Variants in ACVR2B observed in about 807,000 individuals in gnomAD.
ACVR2B encodes activin A receptor type 2B.
ACVR2B carries 18 observed loss-of-function variants against 65.1 expected under a neutral mutation model. The ratio of observed to expected loss-of-function variants is 0.28; its 90% CI spans 0.19 to 0.41. The LOEUF is 0.41. Among genes scored for constraint, ACVR2B ranks in the 10% least tolerant of loss-of-function variants. The pLI, the probability that ACVR2B is intolerant of heterozygous loss-of-function variation, is 1.00. For missense variants in ACVR2B, 482 were observed against 682.7 expected (o/e 0.71, Z 3.28); for synonymous variants, 298 against 277.7 (o/e 1.07, Z -0.73).
chr3:38,480,608 G>A (rs866049413), intron 7 of ACVR2B, among the ~76,000 whole-genome samples: 6 of 152,296 alleles, frequency 3.9e-5, no homozygotes, highest in South Asian at 4.1e-4. Flanking sequence ...AAATTCCAGC[G>A]TTCAAAGCTG....
In ACVR2B at chr3:38,489,395, A is replaced by G. The variant is rs1290999061; in HGVS notation, c.*6063A>G. On this transcript the variant is annotated 3_prime_UTR_variant, in exon 11 of 11. Transcript: ENST00000352511. ...CAGAGCTAATGAGCTTTACCTTTCA[A>G]GAGAAACGTACACTGGAGCATGAGT... 6.6e-6 allele frequency: 1 copy of G among 152,654 alleles called. No homozygotes were observed. The highest frequency in any genetic ancestry group is 2.4e-5 in the African/African-American group (1 of 41,456). The allele number at this position is 152,654 out of a possible 1,614,324, so 9.5% of individuals were successfully genotyped here.
chr3:38,465,205 T>C (rs980564408), intron 1 of ACVR2B, among the ~76,000 whole-genome samples: 1 of 151,940 alleles, frequency 6.6e-6, no homozygotes, highest in Non-Finnish European at 1.5e-5. Context: ...AAGACCAACC[T>C]GGCCAACATG....
intron 6 of ACVR2B, 114 bp downstream of exon 6, chr3:38,479,385 C>T (rs894650369): frequency 1.1e-5 from 16 of 1,483,004 alleles, no homozygotes; most frequent in Non-Finnish European, 1.2e-5. Context: ...AGTACTCTGC[C>T]CCGGTAGCAC....
chr3:38,480,650 A>G (rs966919256), intron 7 of ACVR2B, among the ~76,000 whole-genome samples: 4 of 152,256 alleles, frequency 2.6e-5, no homozygotes, highest in African/African-American at 4.8e-5. Context: ...CAGTAATGAC[A>G]TAGAAGGTAG....
intron 1 of ACVR2B, among the ~76,000 whole-genome samples, chr3:38,466,750 C>T (rs1021139389): frequency 3.9e-5 from 6 of 152,062 alleles, no homozygotes; most frequent in African/African-American, 1.2e-4. Context: ...TGATCCACCT[C>T]CCTCAGCCTC....
At position 38,487,360 on chromosome 3, in the gene ACVR2B, A is replaced by G. The variant is rs773653476; in HGVS notation, c.*4028A>G. 1 of 152,232 alleles carries G rather than the reference A, an allele frequency of 6.6e-6. No individual in the cohort carries two copies. The allele number at this position is 152,232 out of a possible 1,614,324, so 9.4% of individuals were successfully genotyped here. On this transcript the variant is annotated 3_prime_UTR_variant, in exon 11 of 11. Transcript: ENST00000352511. ...TCCAGGCCACAGAGATAGTTCTTCC[A>G]TTGCCCTAAGAGGCTAGGCTAACCC...
chr3:38,479,976 C>A, intron 7 of ACVR2B, 150 bp downstream of exon 7: 2 of 1,115,354 alleles, frequency 1.8e-6, no homozygotes, highest in South Asian at 1.4e-5. Flanking sequence ...CAAAACCTGG[C>A]CTTCCCACTG....
chr3:38,454,252 C>A lies in ACVR2B; in HGVS notation c.-71C>A. The A allele has an allele frequency of 8.8e-7, 1 of 1,139,254 alleles. No homozygotes were observed. Among genetic ancestry groups the A allele is most frequent in the Non-Finnish European group, 1.1e-6 (1 of 917,920 alleles). The allele number at this position is 1,139,254 out of a possible 1,614,324, so 70.6% of individuals were successfully genotyped here. On this transcript the variant is annotated 5_prime_UTR_variant, in exon 1 of 11. It adds an upstream start codon to the 5' untranslated region. Transcript: ENST00000352511. ...AGGAGAGCGCAGCCGCCGCCTGGCC[C>A]TGCGCGCCCCGGGAGCGCCGTGCGG... is the stretch of plus-strand genomic sequence containing the variant.
chr3:38,454,319 G>C lies in ACVR2B; in HGVS notation c.-4G>C. On this transcript the variant is annotated 5_prime_UTR_variant, in exon 1 of 11. Transcript: ENST00000352511. ...CGGGTGTGCGCGGGGCGGCGCCGCG[G>C]AACATGACGGCGCCCTGGGTGGCCC... 1.5e-6 allele frequency: 2 copies of C among 1,294,860 alleles called. No homozygotes were observed. The highest frequency in any genetic ancestry group is 2.0e-6 in the Non-Finnish European group (2 of 1,021,260). 80.2% of individuals were successfully genotyped at this position (1,294,860 alleles called of 1,614,324 possible).
intron 1 of ACVR2B, among the ~76,000 whole-genome samples, chr3:38,469,082 C>T (rs948112468): frequency 2.0e-5 from 3 of 152,280 alleles, no homozygotes; most frequent in African/African-American, 7.2e-5. Flanking sequence ...GCAGATGGAG[C>T]TCCTCCTGTC....
chr3:38,467,860 TAATA>T (rs1709758670), intron 1 of ACVR2B, among the ~76,000 whole-genome samples: 1 of 152,292 alleles, frequency 6.6e-6, no homozygotes, highest in Admixed American at 6.5e-5. Context: ...CTAATATTTC[TAATA>T]AATATATGAT....
rs996651128 is a variant in ACVR2B, at chr3:38,491,759, T to G, written c.*8427T>G. 8 of 152,230 alleles carry G rather than the reference T, an allele frequency of 5.3e-5. No homozygotes were observed. The highest frequency in any genetic ancestry group is 8.8e-5 in the Non-Finnish European group (6 of 68,032). 9.4% of individuals were successfully genotyped at this position (152,230 alleles called of 1,614,324 possible). ...GGAATTGTTAAAATGCCAGCGGCTT[T>G]TTTTTCCTCTTTTTTTCTGTAATTC... On this transcript the variant is annotated 3_prime_UTR_variant, in exon 11 of 11. Transcript: ENST00000352511.
rs1320850865 is a variant in ACVR2B, at chr3:38,490,265, GC to G, written c.*6936del. The G allele has an allele frequency of 2.6e-5, 4 of 152,350 alleles. No homozygotes were observed. Among genetic ancestry groups the G allele is most frequent in the Admixed American group, 6.5e-5 (1 of 15,288 alleles). 9.4% of individuals were successfully genotyped at this position (152,350 alleles called of 1,614,324 possible). A position where few individuals can be genotyped will look rare whatever the true frequency, so the allele number is the denominator to read the frequency against. On this transcript the variant is annotated 3_prime_UTR_variant, in exon 11 of 11. Coordinates refer to ENST00000352511, the MANE Select transcript of ACVR2B (RefSeq NM_001106.4). Reference sequence around the variant, plus strand: ...GCTGAAGACCTGTCCCCCAGACCCTGCCCGCTGGCTTCAGGCTGCTGCTTCT... The same window carrying G: ...GCTGAAGACCTGTCCCCCAGACCCTGCCGCTGGCTTCAGGCTGCTGCTTCT...
chr3:38,474,021 A>G (rs1375581123), intron 1 of ACVR2B: 1 of 152,332 alleles, frequency 6.6e-6, no homozygotes, highest in Admixed American at 6.5e-5. Flanking sequence ...AGCTGGGATT[A>G]CAGGTGTCCG....
At position 38,486,570 on chromosome 3, in the gene ACVR2B, C is replaced by G. The variant is rs374214077; in HGVS notation, c.*3238C>G. 1 of 152,152 alleles carries G rather than the reference C, an allele frequency of 6.6e-6. No homozygotes were observed. The highest frequency in any genetic ancestry group is 1.5e-5 in the Non-Finnish European group (1 of 68,056). 9.4% of individuals were successfully genotyped at this position (152,152 alleles called of 1,614,324 possible). A position where few individuals can be genotyped will look rare whatever the true frequency, so the allele number is the denominator to read the frequency against. On this transcript the variant is annotated 3_prime_UTR_variant, in exon 11 of 11. Coordinates refer to ENST00000352511, the MANE Select transcript of ACVR2B (RefSeq NM_001106.4). Reference sequence around the variant, plus strand: ...TTTGGTGGGCTCAGATAATTGGTTTCTTTTTGTTTTTGACCTCAGGCTCTG... The same window carrying G: ...TTTGGTGGGCTCAGATAATTGGTTTGTTTTTGTTTTTGACCTCAGGCTCTG...
At position 38,481,403 on chromosome 3, in the gene ACVR2B, G is replaced by T; in HGVS notation, c.1012G>T (p.Ala338Ser). 1 of 1,614,224 alleles carries T rather than the reference G, an allele frequency of 6.2e-7. No homozygotes were observed. The highest frequency in any genetic ancestry group is 8.5e-7 in the Non-Finnish European group (1 of 1,180,036). Residue 338 changes from alanine (A) to serine (S), a missense_variant, in exon 8 of 11, where the codon GCT becomes TCT. Physicochemically the swap from Ala to Ser is moderately conservative, Grantham distance 99 (BLOSUM62 1). Around this residue, in one of 5 missense-constraint regions of ACVR2B, gnomAD observed 223 missense variants for 386.3 expected, o/e 0.58. Transcript: ENST00000352511. This position sits in a 1 kb window ranked among gnomAD's most constrained non-coding sequence, Gnocchi z 4.7. ...LLKSDLTAVL[A>S]DFGLAVRFEP... ...GAAGAGCGACCTCACAGCCGTGCTG[G>T]CTGACTTTGGCTTGGCTGTTCGATT...
At position 38,487,325 on chromosome 3, in the gene ACVR2B, GTC is replaced by G. The variant is rs1710140686; in HGVS notation, c.*3998_*3999del. 6.6e-6 allele frequency: 1 copy of G among 152,200 alleles called. No individual in the cohort carries two copies. Among genetic ancestry groups the G allele is most frequent in the Non-Finnish European group, 1.5e-5 (1 of 68,048 alleles). 9.4% of individuals were successfully genotyped at this position (152,200 alleles called of 1,614,324 possible). A position where few individuals can be genotyped will look rare whatever the true frequency, so the allele number is the denominator to read the frequency against. On this transcript the variant is annotated 3_prime_UTR_variant, in exon 11 of 11. Transcript: ENST00000352511. ...TCACATATTCTTAGCAAAGGGAAGG[GTC>G]TCTCATCTCCAGGCCACAGAGATAG...
Position 38,481,400 on chromosome 3 carries a change from C to T in ACVR2B, c.1009C>T (p.Leu337=). 1 of 1,614,234 alleles carries T rather than the reference C, an allele frequency of 6.2e-7. No homozygotes were observed. Among genetic ancestry groups the T allele is most frequent in the Non-Finnish European group, 8.5e-7 (1 of 1,180,034 alleles). ...GCTGAAGAGCGACCTCACAGCCGTG[C>T]TGGCTGACTTTGGCTTGGCTGTTCG... is the stretch of plus-strand genomic sequence containing the variant. ...VLLKSDLTAV[L]ADFGLAVRFE... Residue 337 remains leucine (L), a synonymous_variant, in exon 8 of 11, where the codon CTG becomes TTG. Transcript: ENST00000352511. The surrounding 1 kb of genome is among the most constrained non-coding windows in gnomAD (Gnocchi z 4.7).
At chr3:38,454,472 C>A (rs506993) in intron 1 of ACVR2B, 98 bp downstream of exon 1, 3 of 1,060,434 alleles carry the variant, frequency 2.8e-6, no homozygotes, top group South Asian at 4.6e-5. Flanking sequence ...CCCGGGGCCT[C>A]GTCGCCGCAC....
Sources: gnomAD v4.1 joint callset for allele counts (sites outside exome capture counted in the v4.1 genomes callset) on GRCh38, gnomAD v4.1.1 for gene constraint, gnomAD v4.1.1 regional missense constraint, Gnocchi (gnomAD v3.1) non-coding constraint, MANE v1.5 for transcripts, NCBI Gene and HGNC (gene_info 2026-07-23, HGNC 2026-07-21) for gene names.